Variants in PADI6 observed in about 807,000 individuals in gnomAD.
The protein encoded by PADI6 is inactive protein-arginine deiminase type-6.
PADI6 carries 66 observed loss-of-function variants against 78.2 expected under a neutral mutation model. That is an observed-to-expected ratio of 0.84 (90% CI 0.69 to 1.04). PADI6 has a LOEUF of 1.04. PADI6 is among the 50% of genes least tolerant of loss of function. PADI6 has a pLI of 0.00. For synonymous variants in PADI6, 397 were observed against 346.9 expected, an observed-to-expected ratio of 1.14 and a Z score of -1.60; for missense variants, 854 against 866.1, an observed-to-expected ratio of 0.99 and a Z score of 0.18.
chr1:17,398,291 A>G (rs931176217), intron 14 of PADI6, among the ~76,000 whole-genome samples: 1 of 152,148 alleles, frequency 6.6e-6, no homozygotes, highest in African/African-American at 2.4e-5. Flanking sequence ...CCCTGGCGAC[A>G]GCTTAGGTGT....
intron 2 of PADI6, among the ~76,000 whole-genome samples, chr1:17,374,569 T>C (rs933509401): frequency 4.6e-5 from 7 of 152,118 alleles, no homozygotes; most frequent in Non-Finnish European, 8.8e-5. Flanking sequence ...GAGGTTGTAG[T>C]AAGCTGAGAT....
intron 11 of PADI6, 62 bp from the exon 12 acceptor site, chr1:17,394,889 T>C: frequency 6.7e-7 from 1 of 1,487,332 alleles, no homozygotes; most frequent in Non-Finnish European, 9.0e-7. Context: ...TGACACCAAG[T>C]GGCGGGTGAC....
intron 6 of PADI6, among the ~76,000 whole-genome samples, chr1:17,382,773 T>C (rs1296812947): frequency 6.6e-6 from 1 of 152,152 alleles, no homozygotes; most frequent in Non-Finnish European, 1.5e-5. Context: ...CCAGCATGCT[T>C]TCTTTGGGTT....
rs1029809401 is a variant in PADI6 at position 17,394,975 on chromosome 1, G to A, written c.1362G>A (p.Lys454=). 7.4e-6 allele frequency: 12 copies of A among 1,612,822 alleles called. No individual in the cohort carries two copies. In the African/African-American group the frequency reaches 1.3e-4, roughly 18 times the overall value. Reference sequence around the variant, plus strand: ...GCGCAGAGGGCCGGGCCATGAGTAAGACCCTCCGAGACTTCCTCTATGCCC... The same window carrying A: ...GCGCAGAGGGCCGGGCCATGAGTAAAACCCTCCGAGACTTCCTCTATGCCC... The part of the protein sequence containing the change: ...YPSAEGRAMS[K]TLRDFLYAQQ... Residue 454 remains lysine (K), a synonymous_variant, in exon 12 of 16, where the codon AAG becomes AAA. Transcript: ENST00000619609.
At chr1:17,388,593 G>A in intron 7 of PADI6, 34 bp downstream of exon 7, 1 of 1,553,154 alleles carries the variant, frequency 6.4e-7, no homozygotes, top group Non-Finnish European at 8.8e-7. Context: ...CCTCAGACTA[G>A]GATGCTCCGG....
chr1:17,384,732 G>A (rs2075103932), intron 6 of PADI6, among the ~76,000 whole-genome samples: 1 of 152,200 alleles, frequency 6.6e-6, no homozygotes, highest in South Asian at 2.1e-4. Context: ...TAAGGCAGTG[G>A]CCAACCCTGG....
At chr1:17,394,874 C>G (rs2075229612) in intron 11 of PADI6, 77 bp from the exon 12 acceptor site, 2 of 1,459,564 alleles carry the variant, frequency 1.4e-6, no homozygotes, top group African/African-American at 2.8e-5. Context: ...TCCCTGGAGG[C>G]AGCATGACAC....
At chr1:17,381,287 G>T (rs903784341) in intron 5 of PADI6, 123 bp downstream of exon 5, 4 of 762,778 alleles carry the variant, frequency 5.2e-6, no homozygotes, top group Admixed American at 2.8e-5. Context: ...CAGTCCCCAT[G>T]CCTGGGCTGA....
Position 17,394,348 on chromosome 1 carries a change from G to T in PADI6, c.1231G>T (p.Ala411Ser). Reference protein sequence around the residue: ...MIQDTEDHKVASMDSIGNLMV... With the variant: ...MIQDTEDHKVSSMDSIGNLMV... ...CCAGGACACTGAGGACCATAAAGTG[G>T]CCAGCATGGATTCCATTGGGAACCT... The change falls in exon 11 of 16, where the codon GCC becomes TCC. Residue 411 changes from alanine (A) to serine (S), a missense_variant. Physicochemically the swap from Ala to Ser is moderately conservative, Grantham distance 99. Coordinates refer to ENST00000619609, the MANE Select transcript of PADI6 (RefSeq NM_207421.4). The T allele has an allele frequency of 6.2e-7, 1 of 1,613,858 alleles. No individual in the cohort carries two copies. The highest frequency in any genetic ancestry group is 8.5e-7 in the Non-Finnish European group (1 of 1,179,860).
At chr1:17,373,788 G>A (rs2074989397) in intron 2 of PADI6, among the ~76,000 whole-genome samples, 1 of 152,100 alleles carries the variant, frequency 6.6e-6, no homozygotes, top group Non-Finnish European at 1.5e-5. Flanking sequence ...CACCACACCT[G>A]GCCTACCATC....
At chr1:17,393,840 G>A in intron 9 of PADI6, 135 bp from the exon 10 acceptor site, 1 of 722,128 alleles carries the variant, frequency 1.4e-6, no homozygotes, top group Non-Finnish European at 2.4e-6. Context: ...TCAAGAAGGG[G>A]TGATATCTGA....
chr1:17,398,540 T>C, intron 14 of PADI6, 146 bp from the exon 15 acceptor site: 1 of 577,724 alleles, frequency 1.7e-6, no homozygotes, highest in South Asian at 2.1e-5. Flanking sequence ...GTATGAAGTG[T>C]GAGGCTCCTG....
chr1:17,380,147 C>G (rs1427882068), intron 4 of PADI6, among the ~76,000 whole-genome samples, 160 bp downstream of exon 4: 1 of 152,138 alleles, frequency 6.6e-6, no homozygotes, highest in Non-Finnish European at 1.5e-5. Context: ...TGTCACGGTA[C>G]AAGTCAGAGC....
chr1:17,388,578 T>A lies in PADI6; in HGVS notation c.858+19T>A. ...AGACCCGGTATGTCCCCATAATAGA[T>A]GGGTCCTCAGACTAGGATGCTCCGG... On this transcript the variant is annotated intron_variant, in intron 7 of 15. Transcript: ENST00000619609. The A allele has an allele frequency of 1.3e-6, 2 of 1,590,064 alleles. No individual in the cohort carries two copies. Among genetic ancestry groups the A allele is most frequent in the African/African-American group, 2.7e-5 (2 of 74,504 alleles).
intron 8 of PADI6, among the ~76,000 whole-genome samples, chr1:17,391,125 C>T (rs537774584): frequency 6.6e-6 from 1 of 152,302 alleles, no homozygotes; most frequent in Admixed American, 6.5e-5. Flanking sequence ...GGACCTGAAG[C>T]CGGACTACAG....
intron 15 of PADI6, among the ~76,000 whole-genome samples, chr1:17,399,637 A>G (rs2075282205): frequency 6.6e-6 from 1 of 151,334 alleles, no homozygotes. Flanking sequence ...GCTCACCTGT[A>G]GTTCTAGTAC....
At chr1:17,399,726 CT>C (rs565919643) in intron 15 of PADI6, among the ~76,000 whole-genome samples, 1 of 131,866 alleles carries the variant, frequency 7.6e-6, no homozygotes, top group South Asian at 2.5e-4. Context: ...GACCCTGCAA[CT>C]TTAAAAAAAA....
chr1:17,393,997 C>T lies in PADI6; in HGVS notation c.1097C>T (p.Thr366Ile). ...CAGGATGAGATGGCCTTCTGCTACA[C>T]CCAGGCTCCCCACAAGACAACGTCC... The part of the protein sequence containing the change: ...WLQDEMAFCY[T>I]QAPHKTTSLI... Residue 366 changes from threonine to isoleucine, a missense_variant, in exon 10 of 16, where the codon ACC (threonine) becomes ATC (isoleucine). By Grantham distance (89) the Thr-to-Ile change is moderately conservative. Transcript: ENST00000619609. 6.2e-7 allele frequency: 1 copy of T among 1,613,930 alleles called. No homozygotes were observed. The highest frequency in any genetic ancestry group is 1.7e-5 in the Admixed American group (1 of 60,012).
rs114337556 is a variant in PADI6 at position 17,381,858 on chromosome 1, G to A, written c.554-109G>A. On this transcript the variant is annotated intron_variant, in intron 5 of 15. Transcript: ENST00000619609. The stretch of plus-strand genomic sequence containing the variant: ...CCTGGGCCCTAGCAAAAGGCAGGGG[G>A]TCCTTGGTGCTCTGTTCAAACTCCC... 1,300 of 1,309,580 alleles carry A rather than the reference G, an allele frequency of 9.9e-4. 16 individuals are homozygous for A. In the African/African-American group the frequency reaches 0.017, roughly 17 times the overall value. 81.1% of individuals were successfully genotyped at this position (1,309,580 alleles called of 1,614,324 possible). A position where few individuals can be genotyped will look rare whatever the true frequency, so the allele number is the denominator to read the frequency against.
Sources: gnomAD v4.1 joint callset for allele counts (sites outside exome capture counted in the v4.1 genomes callset) on GRCh38, gnomAD v4.1.1 for gene constraint, MANE v1.5 for transcripts, NCBI Gene and HGNC (gene_info 2026-07-23, HGNC 2026-07-21) for gene names.